SLC16A2: variants seen among roughly 807,000 people sequenced by gnomAD.
The protein encoded by SLC16A2 is monocarboxylate transporter 8.
SLC16A2 carries 3 observed loss-of-function variants against 27.2 expected under a neutral mutation model. The ratio of observed to expected loss-of-function variants is 0.11; its 90% CI spans 0.05 to 0.28. The LOEUF (loss-of-function observed/expected upper bound fraction) is 0.28. Ranked by LOEUF, SLC16A2 falls within the 10% of genes least tolerant of loss-of-function variation. The pLI is 1.00. For missense variants in SLC16A2, 295 were observed against 458.5 expected (o/e 0.64, Z 3.26); for synonymous variants, 202 against 187.8 (o/e 1.08, Z -0.62).
intron 1 of SLC16A2, among the ~76,000 whole-genome samples, chrX:74,475,482 T>G (rs1157837367): frequency 7.4e-5 from 8 of 108,683 alleles, no homozygotes; most frequent in South Asian, 4.0e-4. Context: ...CTCTTTAGTT[T>G]AATTAGATCC....
In SLC16A2 at chrX:74,532,313, G is replaced by A. The variant is rs1488731467; in HGVS notation, c.*760G>A. The A allele has an allele frequency of 8.9e-6, 1 of 112,635 alleles. No individual in the cohort carries two copies. The allele number at this position is 112,635 out of a possible 1,213,427, so 9.3% of individuals were successfully genotyped here. A position where few individuals can be genotyped will look rare whatever the true frequency, so the allele number is the denominator to read the frequency against. ...GCATCAGTCCCACTCATCTCAGGCT[G>A]AGCCACATCTCACTTTTTCGCTCAA... is the stretch of plus-strand genomic sequence containing the variant. On this transcript the variant is annotated 3_prime_UTR_variant, in exon 6 of 6. Transcript: ENST00000587091.
chrX:74,433,305 G>A (rs1928565988), intron 1 of SLC16A2, among the ~76,000 whole-genome samples: 2 of 109,346 alleles, frequency 1.8e-5, no homozygotes, highest in African/African-American at 6.7e-5. Flanking sequence ...CCAGGAAGCA[G>A]AGGCTGCAGT....
chrX:74,471,618 A>G (rs1254556536), intron 1 of SLC16A2, among the ~76,000 whole-genome samples: 1 of 111,884 alleles, frequency 8.9e-6, no homozygotes, highest in East Asian at 2.8e-4. Flanking sequence ...TGCCCCTTGA[A>G]GCACAAGTTT....
chrX:74,515,689 G>T (rs746360872), intron 1 of SLC16A2, among the ~76,000 whole-genome samples: 2 of 111,510 alleles, frequency 1.8e-5, no homozygotes, highest in Admixed American at 1.9e-4. Flanking sequence ...CAGTAAGAGA[G>T]AAATGACACG....
At chrX:74,518,547 C>T (rs1303552160) in intron 1 of SLC16A2, among the ~76,000 whole-genome samples, 1 of 107,986 alleles carries the variant, frequency 9.3e-6, no homozygotes, top group Non-Finnish European at 1.9e-5. Flanking sequence ...ACCAAGATTG[C>T]GCCTCTGCAC....
intron 1 of SLC16A2, among the ~76,000 whole-genome samples, chrX:74,427,683 C>T (rs769796130): frequency 3.9e-4 from 43 of 111,486 alleles, no homozygotes; most frequent in Admixed American, 1.5e-3. Context: ...GTGTGAATGA[C>T]GGAGTGGGAT....
intron 1 of SLC16A2, among the ~76,000 whole-genome samples, chrX:74,505,933 T>G (rs1264436479): frequency 1.8e-5 from 2 of 112,137 alleles, no homozygotes; most frequent in East Asian, 5.6e-4. Flanking sequence ...TTTCTTGTTT[T>G]GGCTTTACAA....
In SLC16A2 at chrX:74,524,688, G is replaced by A. The variant is rs750465734; in HGVS notation, c.905G>A (p.Arg302His). The part of the protein sequence containing the change: ...SKRGVRTLHQ[R>H]FLAQLRKYFN... Reference sequence around the variant, plus strand: ...AGAGGTGTCCGCACCCTGCACCAGCGCTTTCTGGCTCAGCTCAGGAAGTAC... The same window carrying A: ...AGAGGTGTCCGCACCCTGCACCAGCACTTTCTGGCTCAGCTCAGGAAGTAC... Residue 302 changes from arginine to histidine, a missense_variant, in exon 3 of 6, where the codon CGC becomes CAC. Coordinates refer to ENST00000587091, the MANE Select transcript of SLC16A2 (RefSeq NM_006517.5). 6 of 1,211,747 alleles carry A rather than the reference G, an allele frequency of 5.0e-6. No homozygotes were observed. Among genetic ancestry groups the A allele is most frequent in the Middle Eastern group, 2.3e-4 (1 of 4,356 alleles).
chrX:74,449,081 G>A (rs1928891067), intron 1 of SLC16A2, among the ~76,000 whole-genome samples: 1 of 111,633 alleles, frequency 9.0e-6, no homozygotes. Context: ...TGGAAGGCAA[G>A]GCAGGACTAA....
chrX:74,438,093 C>T (rs1928658733), intron 1 of SLC16A2, among the ~76,000 whole-genome samples: 1 of 112,323 alleles, frequency 8.9e-6, no homozygotes, highest in Non-Finnish European at 1.9e-5. Context: ...AAGAAGACCC[C>T]AAAGTTCAAC....
chrX:74,436,805 C>G (rs910115991), intron 1 of SLC16A2, among the ~76,000 whole-genome samples: 2 of 111,735 alleles, frequency 1.8e-5, no homozygotes, highest in African/African-American at 6.5e-5. Flanking sequence ...TATCAAGGTA[C>G]CTTCTAGGCT....
At chrX:74,507,246 G>A (rs1001410886) in intron 1 of SLC16A2, among the ~76,000 whole-genome samples, 1 of 111,045 alleles carries the variant, frequency 9.0e-6, no homozygotes. Flanking sequence ...ATGAGCAACC[G>A]CGCCCAGCCT....
chrX:74,475,741 C>A (rs907690496), intron 1 of SLC16A2, among the ~76,000 whole-genome samples: 17 of 111,803 alleles, frequency 1.5e-4, no homozygotes, highest in Non-Finnish European at 3.2e-4. Flanking sequence ...ATAGGGAATC[C>A]TTTCCCCATT....
intron 1 of SLC16A2, among the ~76,000 whole-genome samples, chrX:74,519,480 A>C (rs1930369049): frequency 2.0e-5 from 2 of 101,689 alleles, no homozygotes; most frequent in Admixed American, 2.1e-4. Context: ...CCTGGCCCTG[A>C]TCATCAGCGG....
intron 2 of SLC16A2, among the ~76,000 whole-genome samples, chrX:74,523,052 C>A (rs1344496594): frequency 1.8e-5 from 2 of 111,125 alleles, no homozygotes; most frequent in African/African-American, 6.5e-5. Context: ...CTATGTTTTT[C>A]CCCCACTGGC....
intron 5 of SLC16A2, 41 bp downstream of exon 5, chrX:74,529,482 CT>C: frequency 9.8e-7 from 1 of 1,016,825 alleles, no homozygotes; most frequent in Non-Finnish European, 1.3e-6. Context: ...TCAGGGAGTC[CT>C]TTTTTCCCTG....
At chrX:74,433,800 C>T (rs768041671) in intron 1 of SLC16A2, among the ~76,000 whole-genome samples, 214 of 112,078 alleles carry the variant, frequency 1.9e-3, no homozygotes, top group Non-Finnish European at 3.4e-3. Context: ...TGCTACTAAC[C>T]TTTGACTATG....
chrX:74,443,250 C>T (rs1480050822), intron 1 of SLC16A2, among the ~76,000 whole-genome samples: 1 of 111,396 alleles, frequency 9.0e-6, no homozygotes, highest in African/African-American at 3.3e-5. Flanking sequence ...CAGGATTCAA[C>T]TACAGACCTG....
At chrX:74,477,548 C>T (rs894707025) in intron 1 of SLC16A2, among the ~76,000 whole-genome samples, 2 of 111,363 alleles carry the variant, frequency 1.8e-5, no homozygotes, top group African/African-American at 6.5e-5. Flanking sequence ...GCTCTTGCTT[C>T]TCTAGTTCTT....
Sources: gnomAD v4.1 joint callset for allele counts (sites outside exome capture counted in the v4.1 genomes callset) on GRCh38, gnomAD v4.1.1 for gene constraint, MANE v1.5 for transcripts, NCBI Gene and HGNC (gene_info 2026-07-23, HGNC 2026-07-21) for gene names.